MMD2: variants seen among roughly 807,000 people sequenced by gnomAD.
MMD2 encodes the protein monocyte to macrophage differentiation associated 2, also known as monocyte to macrophage differentiation factor 2.
MMD2 carries 30 observed loss-of-function variants against 33.5 expected under a neutral mutation model. The ratio of observed to expected loss-of-function variants is 0.90; its 90% CI spans 0.67 to 1.22. The LOEUF (loss-of-function observed/expected upper bound fraction) is 1.22. Among genes scored for constraint, MMD2 ranks in the 50% most tolerant of loss-of-function variants. The pLI, the probability that MMD2 is intolerant of heterozygous loss-of-function variation, is 0.00. For missense variants in MMD2, 364 were observed against 325.4 expected (o/e 1.12, Z -0.91); for synonymous variants, 129 against 123.0 (o/e 1.05, Z -0.32).
chr7:4,942,760 G>C (rs995884165), intron 1 of MMD2, among the ~76,000 whole-genome samples: 1 of 150,706 alleles, frequency 6.6e-6, no homozygotes, highest in Admixed American at 6.7e-5. Context: ...CTACAGACAC[G>C]TGCCACCACC....
At position 4,950,712 on chromosome 7, in the gene MMD2, CTT is replaced by C. The variant is rs71004603; in HGVS notation, c.47+8257_47+8258del. ...TTTTTAAAGCTAAATTTCTTTCCTT[CTT>C]TTTTTTTTTTTTTTGAGATGGAGTC... On this transcript the variant is annotated intron_variant, in intron 1 of 6. Transcript: ENST00000401401. 2.7e-3 allele frequency among the ~76,000 whole-genome samples: 367 copies of C among 133,866 alleles called. 1 individual carries two copies. The highest frequency in any genetic ancestry group is 4.0e-3 in the Middle Eastern group (1 of 252). The allele number at this position is 133,866 out of a possible 152,430, so 87.8% of individuals were successfully genotyped here. A position where few individuals can be genotyped will look rare whatever the true frequency, so the allele number is the denominator to read the frequency against.
chr7:4,922,590 T>C (rs1457814614), intron 2 of MMD2, among the ~76,000 whole-genome samples: 13 of 152,162 alleles, frequency 8.5e-5, no homozygotes, highest in African/African-American at 3.1e-4. Context: ...ACATTTTTTT[T>C]TAGAGATGGA....
chr7:4,927,167 C>T (rs979759422), intron 1 of MMD2, among the ~76,000 whole-genome samples: 1 of 152,126 alleles, frequency 6.6e-6, no homozygotes, highest in East Asian at 1.9e-4. Context: ...GGCCCATGAA[C>T]TTTTTTGTGC....
intron 1 of MMD2, among the ~76,000 whole-genome samples, chr7:4,929,396 G>C (rs935292007): frequency 1.3e-5 from 2 of 152,142 alleles, no homozygotes; most frequent in African/African-American, 4.8e-5. Context: ...CCACCCTGGG[G>C]ACCCCATTGA....
At position 4,935,697 on chromosome 7, in the gene MMD2, A is replaced by C. The variant is rs1014545552; in HGVS notation, c.48-10165T>G. On this transcript the variant is annotated intron_variant, in intron 1 of 6. Coordinates refer to ENST00000401401, the MANE Select transcript of MMD2 (RefSeq NM_198403.4). The stretch of plus-strand genomic sequence containing the variant: ...TGTCTCAAAAAAAAAAAAAAAAAAA[A>C]CCAAAAAAATTGTATACGTTGATGG... 1.1e-3 allele frequency among the ~76,000 whole-genome samples: 145 copies of C among 126,614 alleles called. 2 individuals carry two copies. Among genetic ancestry groups the C allele is most frequent in the Non-Finnish European group, 1.9e-3 (118 of 62,274 alleles). The allele number at this position is 126,614 out of a possible 152,430, so 83.1% of individuals were successfully genotyped here. A position where few individuals can be genotyped will look rare whatever the true frequency, so the allele number is the denominator to read the frequency against.
intron 2 of MMD2, among the ~76,000 whole-genome samples, chr7:4,921,012 C>T (rs1174147821): frequency 6.6e-6 from 1 of 152,154 alleles, no homozygotes; most frequent in East Asian, 1.9e-4. Context: ...CCACCATGCC[C>T]AGCCTCAGGT....
At chr7:4,943,344 C>A (rs888806839) in intron 1 of MMD2, among the ~76,000 whole-genome samples, 2 of 152,004 alleles carry the variant, frequency 1.3e-5, no homozygotes, top group African/African-American at 4.8e-5. Flanking sequence ...GGGCTTTCAC[C>A]ATGTTGACGA....
intron 6 of MMD2, among the ~76,000 whole-genome samples, chr7:4,908,145 TTG>T (rs900817643): frequency 1.2e-4 from 18 of 145,532 alleles, no homozygotes; most frequent in African/African-American, 3.1e-4. Context: ...TTATCTGGTT[TTG>T]TTTTTTTTTT....
chr7:4,924,560 T>C (rs866919065), intron 2 of MMD2, among the ~76,000 whole-genome samples: 1 of 152,256 alleles, frequency 6.6e-6, no homozygotes, highest in South Asian at 2.1e-4. Context: ...TGAATGAATG[T>C]GTGATGGACA....
intron 1 of MMD2, among the ~76,000 whole-genome samples, chr7:4,948,054 G>C (rs1343295834): frequency 6.6e-6 from 1 of 151,958 alleles, no homozygotes; most frequent in Non-Finnish European, 1.5e-5. Flanking sequence ...TCTCAACCAA[G>C]GGGGATACTG....
chr7:4,921,444 C>A (rs552405500), intron 2 of MMD2, among the ~76,000 whole-genome samples: 56 of 151,886 alleles, frequency 3.7e-4, no homozygotes, highest in African/African-American at 1.3e-3. Flanking sequence ...TATGGTGAAA[C>A]CCCGTCTCAA....
intron 1 of MMD2, among the ~76,000 whole-genome samples, chr7:4,930,752 G>T (rs1785561130): frequency 6.6e-6 from 1 of 152,160 alleles, no homozygotes; most frequent in South Asian, 2.1e-4. Flanking sequence ...GCAATGCGAA[G>T]AAATATCTGC....
intron 3 of MMD2, among the ~76,000 whole-genome samples, 198 bp downstream of exon 3, chr7:4,919,973 T>TCAACC (rs1785233351): frequency 6.6e-6 from 1 of 152,156 alleles, no homozygotes; most frequent in Non-Finnish European, 1.5e-5. Context: ...CTGAAGAGAC[T>TCAACC]CAACCGCAGC....
chr7:4,894,416 T>G, the MMD2 span, among the ~76,000 whole-genome samples: 3 of 152,158 alleles, frequency 2.0e-5, no homozygotes, highest in African/African-American at 7.2e-5. The surrounding 1 kb of genome is among the most constrained non-coding windows in gnomAD (Gnocchi z 4.3). Flanking sequence ...CTCGCAGGAG[T>G]AGCCAATTCC....
intron 5 of MMD2, among the ~76,000 whole-genome samples, chr7:4,910,774 A>C (rs1229340785): frequency 6.6e-6 from 1 of 152,090 alleles, no homozygotes; most frequent in Non-Finnish European, 1.5e-5. Flanking sequence ...GATTACAGGC[A>C]CCCATCATGA....
intron 1 of MMD2, among the ~76,000 whole-genome samples, chr7:4,929,685 C>T (rs1331270895): frequency 1.3e-5 from 2 of 151,944 alleles, no homozygotes; most frequent in African/African-American, 4.8e-5. Context: ...CCACCACACT[C>T]GGCTAATTTT....
At chr7:4,950,530 C>T (rs1284720089) in intron 1 of MMD2, among the ~76,000 whole-genome samples, 1 of 152,158 alleles carries the variant, frequency 6.6e-6, no homozygotes, top group East Asian at 1.9e-4. Flanking sequence ...CCTCTGGCAG[C>T]CACCACTCCA....
rs1379687604 is a variant in MMD2 at position 4,935,450 on chromosome 7, T to TTTA, written c.48-9921_48-9919dup. 8.5e-5 allele frequency among the ~76,000 whole-genome samples: 13 copies of TTTA among 152,140 alleles called. No individual in the cohort carries two copies. The East Asian group carries it at 2.5e-3, about 29-fold the overall frequency. On this transcript the variant is annotated intron_variant, in intron 1 of 6. Coordinates refer to ENST00000401401, the MANE Select transcript of MMD2 (RefSeq NM_198403.4). ...GGATATTGGCATGCTTAGAAGTTTC[T>TTTA]TTATTATTATTATTTTTTTAGCATT...
At chr7:4,927,557 A>G (rs1785465610) in intron 1 of MMD2, among the ~76,000 whole-genome samples, 1 of 151,946 alleles carries the variant, frequency 6.6e-6, no homozygotes, top group African/African-American at 2.4e-5. Context: ...ATATATATAT[A>G]TTAGCCAGGC....
Sources: allele counts gnomAD v4.1 joint callset (sites outside exome capture counted in the v4.1 genomes callset), GRCh38; gene constraint gnomAD v4.1.1; non-coding constraint Gnocchi (gnomAD v3.1); transcripts MANE v1.5; gene names NCBI Gene and HGNC (gene_info 2026-07-23, HGNC 2026-07-21).